Variants in KLF7 observed in about 807,000 individuals in gnomAD.
KLF7 encodes KLF transcription factor 7.
KLF7 carries 2 observed loss-of-function variants against 27.3 expected under a neutral mutation model. That is an observed-to-expected ratio of 0.07 (90% CI 0.03 to 0.23). The LOEUF is 0.23. Among genes scored for constraint, KLF7 ranks in the 10% least tolerant of loss-of-function variants. The probability of loss-of-function intolerance (pLI) is 1.00; values close to 1 mark genes in which losing one functional copy is unlikely to be tolerated. For synonymous variants in KLF7, 165 were observed against 162.4 expected, an observed-to-expected ratio of 1.02 and a Z score of -0.12; for missense variants, 221 against 394.1, an observed-to-expected ratio of 0.56 and a Z score of 3.72.
chr2:207,110,883 GAGA>G (rs2077018662), intron 2 of KLF7, among the ~76,000 whole-genome samples: 1 of 152,216 alleles, frequency 6.6e-6, no homozygotes, highest in Non-Finnish European at 1.5e-5. Context: ...GCAACCTACA[GAGA>G]AGAAGACAGC....
At chr2:207,103,100 G>A (rs2076806118) in intron 2 of KLF7, among the ~76,000 whole-genome samples, 1 of 152,040 alleles carries the variant, frequency 6.6e-6, no homozygotes, top group Admixed American at 6.6e-5. Flanking sequence ...GCTAATTTTT[G>A]TATTTTTAGT....
At chr2:207,099,189 G>A (rs917783967) in intron 2 of KLF7, among the ~76,000 whole-genome samples, 1 of 152,072 alleles carries the variant, frequency 6.6e-6, no homozygotes, top group East Asian at 1.9e-4. Flanking sequence ...TGCAAGGAGG[G>A]TGGTACTAAG....
chr2:207,161,773 G>C (rs1053922000), intron 1 of KLF7, among the ~76,000 whole-genome samples: 7 of 152,192 alleles, frequency 4.6e-5, no homozygotes, highest in Admixed American at 4.6e-4. Flanking sequence ...GGACACTTTA[G>C]TCCTTACAGT....
chr2:207,109,777 G>A (rs2076977915), intron 2 of KLF7, among the ~76,000 whole-genome samples: 1 of 152,044 alleles, frequency 6.6e-6, no homozygotes, highest in African/African-American at 2.4e-5. Context: ...GCATCTTCAG[G>A]CCATCAAGAT....
intron 1 of KLF7, among the ~76,000 whole-genome samples, chr2:207,130,809 T>C (rs1046054745): frequency 2.6e-5 from 4 of 152,240 alleles, no homozygotes; most frequent in Non-Finnish European, 4.4e-5. Flanking sequence ...TGGGTAATTA[T>C]TGGGAGTCTC....
rs2076260578 is a variant in KLF7, at chr2:207,081,109, T to C, written c.*104A>G. 2 of 936,668 alleles carry C rather than the reference T, an allele frequency of 2.1e-6. No individual in the cohort carries two copies. Among genetic ancestry groups the C allele is most frequent in the Admixed American group, 3.5e-5 (2 of 56,958 alleles). 58.0% of individuals were successfully genotyped at this position (936,668 alleles called of 1,614,324 possible). ...TACAGAGGTTTATAAGTGAGAACTT[T>C]CTTCTGCGAGGCAATGGGTCCCCGC... On this transcript the variant is annotated 3_prime_UTR_variant, in exon 4 of 4. Transcript: ENST00000309446.
intron 1 of KLF7, among the ~76,000 whole-genome samples, chr2:207,163,260 T>C (rs574045703): frequency 1.3e-5 from 2 of 152,370 alleles, no homozygotes; most frequent in Admixed American, 6.5e-5. Context: ...GCTATAAGCA[T>C]GACGCTGAAT....
intron 2 of KLF7, among the ~76,000 whole-genome samples, chr2:207,102,074 A>G (rs2076776394): frequency 1.3e-5 from 2 of 151,558 alleles, no homozygotes; most frequent in African/African-American, 4.9e-5. Flanking sequence ...AATAGGAATC[A>G]TTGGGAAGAA....
chr2:207,087,383 C>G (rs2076414376), intron 3 of KLF7, among the ~76,000 whole-genome samples: 1 of 152,108 alleles, frequency 6.6e-6, no homozygotes, highest in South Asian at 2.1e-4. Context: ...GCCAACGTGA[C>G]CAGTCTGGAC....
chr2:207,108,240 G>C (rs1420509269), intron 2 of KLF7, among the ~76,000 whole-genome samples: 2 of 152,160 alleles, frequency 1.3e-5, no homozygotes, highest in African/African-American at 4.8e-5. Flanking sequence ...ACCATGAGAG[G>C]GGGGAGAAAG....
At chr2:207,150,102 C>G (rs1056036976) in intron 1 of KLF7, among the ~76,000 whole-genome samples, 2 of 152,178 alleles carry the variant, frequency 1.3e-5, no homozygotes, top group Admixed American at 1.3e-4. Flanking sequence ...CCACCCTCCC[C>G]CACAACCACA....
chr2:207,115,729 A>G (rs2077162247), intron 2 of KLF7, among the ~76,000 whole-genome samples: 1 of 150,232 alleles, frequency 6.7e-6, no homozygotes, highest in African/African-American at 2.4e-5. Context: ...AGTTCCCAAC[A>G]CTCCCCCATC....
upstream of KLF7, chr2:207,166,312 T>G (rs2078707574): frequency 2.6e-6 from 1 of 387,098 alleles, no homozygotes; most frequent in Non-Finnish European, 3.5e-6. Context: ...ATCTCCCTGC[T>G]GCCTTACAAG....
At chr2:207,148,184 G>T (rs1254746903) in intron 1 of KLF7, among the ~76,000 whole-genome samples, 1 of 152,152 alleles carries the variant, frequency 6.6e-6, no homozygotes, top group Non-Finnish European at 1.5e-5. Context: ...CAAGTGTTTT[G>T]TCACATTCCT....
At chr2:207,136,359 A>G (rs1023933444) in intron 1 of KLF7, among the ~76,000 whole-genome samples, 10 of 152,134 alleles carry the variant, frequency 6.6e-5, no homozygotes, top group South Asian at 4.1e-4. Flanking sequence ...CACTTCTCGC[A>G]TAAATGCCCC....
chr2:207,167,202 G>C, upstream of KLF7: 1 of 1,348,184 alleles, frequency 7.4e-7, no homozygotes, highest in Non-Finnish European at 9.6e-7. Context: ...TCGATTTCTC[G>C]TTTTCTGGAG....
intron 1 of KLF7, among the ~76,000 whole-genome samples, chr2:207,140,507 A>T (rs965407534): frequency 2.0e-5 from 3 of 152,236 alleles, no homozygotes; most frequent in Non-Finnish European, 2.9e-5. Context: ...TGTAAGAAAT[A>T]GAAGCAACAA....
At chr2:207,148,405 G>C (rs1432212532) in intron 1 of KLF7, among the ~76,000 whole-genome samples, 1 of 152,142 alleles carries the variant, frequency 6.6e-6, no homozygotes, top group East Asian at 1.9e-4. Context: ...AGCAAGAGAG[G>C]CTCCTCCCAA....
At chr2:207,095,031 CT>C (rs36091471) in intron 2 of KLF7, among the ~76,000 whole-genome samples, 49 of 82,422 alleles carry the variant, frequency 5.9e-4, no homozygotes, top group South Asian at 5.8e-3. Context: ...TGTTTTTATT[CT>C]TTTTTTTTTT....
Sources: gnomAD v4.1 joint callset for allele counts (sites outside exome capture counted in the v4.1 genomes callset) on GRCh38, gnomAD v4.1.1 for gene constraint, MANE v1.5 for transcripts, NCBI Gene and HGNC (gene_info 2026-07-23, HGNC 2026-07-21) for gene names.